INSC: variants seen among roughly 807,000 people sequenced by gnomAD.
INSC encodes INSC spindle orientation adaptor protein.
In INSC, 67 loss-of-function variants were observed where a neutral mutation model predicts 58.6. The ratio of observed to expected loss-of-function variants is 1.14; its 90% CI spans 0.94 to 1.40. The LOEUF is 1.40. Ranked by LOEUF, INSC falls within the 40% of genes most tolerant of loss-of-function variation. The pLI is 0.00. For synonymous variants in INSC, 262 were observed against 276.1 expected, an observed-to-expected ratio of 0.95 and a Z score of 0.51; for missense variants, 714 against 692.0, an observed-to-expected ratio of 1.03 and a Z score of -0.36.
chr11:15,175,793 C>A lies in INSC; in HGVS notation c.109C>A (p.Leu37Ile). 6.2e-7 allele frequency: 1 copy of A among 1,602,134 alleles called. No individual in the cohort carries two copies. Residue 37 changes from leucine to isoleucine, a missense_variant, in exon 3 of 13, where the codon CTC (leucine) becomes ATC (isoleucine). Physicochemically the swap from Leu to Ile is conservative, Grantham distance 5. Transcript: ENST00000379556. ...CCAGCGCTGGATGGAAGATCTGAAG[C>A]TCATGACCGAGTGCGAGTGCATGTG... ...SVQRWMEDLK[L>I]MTECECMCVL...
rs556540098 is a variant in INSC, at chr11:15,177,262, CGTG to C, written c.455+108_455+110del. On this transcript the variant is annotated intron_variant, in intron 4 of 12. Coordinates refer to ENST00000379556, the MANE Select transcript of INSC (RefSeq NM_001042536.3). ...CCAGAGGGAGAATGGGAATGGGAGGCGTGGTGGTGGTTTCAGAGTTTCCTTTTT... is the reference window on the plus strand; with the variant it reads ...CCAGAGGGAGAATGGGAATGGGAGGCGTGGTGGTTTCAGAGTTTCCTTTTT... 1.8e-4 allele frequency: 160 copies of C among 889,760 alleles called. 1 individual carries two copies. In the African/African-American group the frequency reaches 2.4e-3, roughly 13 times the overall value. The allele number at this position is 889,760 out of a possible 1,614,324, so 55.1% of individuals were successfully genotyped here.
At chr11:15,219,758 A>G (rs924515366) in intron 7 of INSC, among the ~76,000 whole-genome samples, 1 of 152,216 alleles carries the variant, frequency 6.6e-6, no homozygotes, top group African/African-American at 2.4e-5. Context: ...TAATGATCCT[A>G]TAGCTTCTTA....
intron 7 of INSC, among the ~76,000 whole-genome samples, chr11:15,211,844 G>A (rs1234201105): frequency 1.3e-5 from 2 of 151,430 alleles, no homozygotes; most frequent in East Asian, 1.9e-4. Context: ...ACATGCATGA[G>A]TCTGTTTCTG....
rs770271288 is a variant in INSC at position 15,149,118 on chromosome 11, C to T, written c.-45-12C>T. 1 of 1,594,942 alleles carries T rather than the reference C, an allele frequency of 6.3e-7. No homozygotes were observed. Among genetic ancestry groups the T allele is most frequent in the African/African-American group, 1.3e-5 (1 of 74,262 alleles). ...TAGGATCTCGTTGTGCCATCCTGCC[C>T]TCTATTTTCAGGGTCACGACCGCTG... On this transcript the variant is annotated splice_polypyrimidine_tract_variant and intron_variant, in intron 1 of 12. Transcript: ENST00000379556.
intron 1 of INSC, among the ~76,000 whole-genome samples, chr11:15,116,841 C>CTT (rs1491266877): frequency 2.3e-5 from 1 of 43,256 alleles, no homozygotes; most frequent in East Asian, 6.4e-4. Flanking sequence ...TTCTTTCTTT[C>CTT]TTTCTTTCTC....
At chr11:15,195,980 G>A (rs968358607) in intron 6 of INSC, among the ~76,000 whole-genome samples, 1 of 152,162 alleles carries the variant, frequency 6.6e-6, no homozygotes, top group African/African-American at 2.4e-5. Flanking sequence ...TGAACTATTT[G>A]CCACGTTTAG....
chr11:15,178,290 TC>T (rs746425016), intron 4 of INSC, 33 bp from the exon 5 acceptor site: 1 of 1,612,776 alleles, frequency 6.2e-7, no homozygotes, highest in Non-Finnish European at 8.5e-7. Context: ...ACATGCCCTT[TC>T]CAGTGGCCCA....
rs77870624 is a variant in INSC at position 15,139,762 on chromosome 11, A to C, written c.-45-9368A>C. ...CTGGGCAGTTGACTCCTGAATCTCT[A>C]TTCTTAACCAACAGAGCTCTGGATG... On this transcript the variant is annotated intron_variant, in intron 1 of 12. Coordinates refer to ENST00000379556, the MANE Select transcript of INSC (RefSeq NM_001042536.3). Among the ~76,000 whole-genome samples, 493 of 152,366 alleles carry C rather than the reference A, an allele frequency of 3.2e-3. 1 individual carries two copies. Among genetic ancestry groups the C allele is most frequent in the Non-Finnish European group, 5.6e-3 (384 of 68,038 alleles).
At chr11:15,159,722 G>T (rs1020952026) in intron 2 of INSC, among the ~76,000 whole-genome samples, 3 of 152,136 alleles carry the variant, frequency 2.0e-5, no homozygotes, top group Non-Finnish European at 2.9e-5. Context: ...ATGTTATTTG[G>T]CCTTGCTAAG....
chr11:15,149,081 T>TGCC (rs1422026405), intron 1 of INSC, 49 bp from the exon 2 acceptor site: 1 of 1,504,656 alleles, frequency 6.6e-7, no homozygotes, highest in Admixed American at 2.1e-5. Context: ...AAAGTGATTG[T>TGCC]GCCTCCTCTT....
At chr11:15,143,397 C>T (rs1194226869) in intron 1 of INSC, among the ~76,000 whole-genome samples, 2 of 151,956 alleles carry the variant, frequency 1.3e-5, no homozygotes, top group East Asian at 1.9e-4. Flanking sequence ...TTGTTGGGGT[C>T]AGAGGAAGGA....
At chr11:15,255,796 CTG>C in the INSC span, among the ~76,000 whole-genome samples, 2 of 150,930 alleles carry the variant, frequency 1.3e-5, no homozygotes, top group Admixed American at 6.6e-5. Flanking sequence ...TCAAAAGAAA[CTG>C]TGCAGCCCAA....
chr11:15,199,542 A>G (rs778420206), intron 6 of INSC, among the ~76,000 whole-genome samples: 2 of 152,196 alleles, frequency 1.3e-5, no homozygotes, highest in African/African-American at 2.4e-5. Context: ...TCACTGCTGC[A>G]TTCTCAGCAC....
intron 12 of INSC, 144 bp from the exon 13 acceptor site, chr11:15,245,768 C>G: frequency 9.9e-7 from 1 of 1,012,878 alleles, no homozygotes; most frequent in Non-Finnish European, 1.4e-6. Flanking sequence ...GACTGAGATG[C>G]CAAGTGGCTA....
At chr11:15,152,091 T>C (rs1848672454) in intron 2 of INSC, among the ~76,000 whole-genome samples, 2 of 152,324 alleles carry the variant, frequency 1.3e-5, no homozygotes, top group African/African-American at 4.8e-5. Context: ...ATTATCTATA[T>C]TTTGCAAACA....
At chr11:15,266,183 G>C in the INSC span, among the ~76,000 whole-genome samples, 1 of 151,518 alleles carries the variant, frequency 6.6e-6, no homozygotes, top group African/African-American at 2.4e-5. Context: ...TTGTATTTTT[G>C]GAGAAGAGAA....
In INSC at chr11:15,190,735, T is replaced by A; in HGVS notation, c.614T>A (p.Ile205Asn). 6.2e-7 allele frequency: 1 copy of A among 1,613,906 alleles called. No individual in the cohort carries two copies. Among genetic ancestry groups the A allele is most frequent in the Non-Finnish European group, 8.5e-7 (1 of 1,179,828 alleles). The stretch of plus-strand genomic sequence containing the variant: ...AGAAAAATTGATGCCTCAGACAATA[T>A]CTACACCACAGAGTCCACCACAGGG... Reference protein sequence around the residue: ...LVRKIDASDNIYTTESTTGNL... With the variant: ...LVRKIDASDNNYTTESTTGNL... Residue 205 changes from isoleucine to asparagine, a missense_variant, in exon 6 of 13, where the codon ATC becomes AAC. By Grantham distance (149) the Ile-to-Asn change is moderately radical. Coordinates refer to ENST00000379556, the MANE Select transcript of INSC (RefSeq NM_001042536.3).
chr11:15,158,860 GTTT>G (rs529518368), intron 2 of INSC, among the ~76,000 whole-genome samples: 19,708 of 109,162 alleles, frequency 0.18, 1,340 homozygotes, highest in Middle Eastern at 0.34. Flanking sequence ...ATTGTTGGTG[GTTT>G]TTTTTTTTTT....
At chr11:15,138,589 A>C (rs1263191317) in intron 1 of INSC, among the ~76,000 whole-genome samples, 1 of 152,198 alleles carries the variant, frequency 6.6e-6, no homozygotes, top group East Asian at 1.9e-4. Context: ...TTTGCTTTTT[A>C]ATTCTCTCTA....
Sources: allele counts gnomAD v4.1 joint callset (sites outside exome capture counted in the v4.1 genomes callset), GRCh38; gene constraint gnomAD v4.1.1; transcripts MANE v1.5; gene names NCBI Gene and HGNC (gene_info 2026-07-23, HGNC 2026-07-21).